CSMD1: variants seen among roughly 807,000 people sequenced by gnomAD.
The protein encoded by CSMD1 is CUB and Sushi multiple domains 1.
A neutral mutation model predicts 417.5 loss-of-function variants in CSMD1; 213 were observed. That is an observed-to-expected ratio of 0.51 (90% CI 0.46 to 0.57). The LOEUF is 0.57. Ranked by LOEUF, CSMD1 falls within the 20% of genes least tolerant of loss-of-function variation. The pLI is 0.00. For synonymous variants in CSMD1, 2,862 were observed against 1,736.8 expected (o/e 1.65, Z -16.11); for missense variants, 6,923 against 4,529.7 (o/e 1.53, Z -15.17).
At position 3,431,177 on chromosome 8, in the gene CSMD1, G is replaced by T. The variant is rs1814196609; in HGVS notation, c.1562-21572C>A. ...CTCTATGGACTCTCTATGGAAGAGG[G>T]ATGATGGAGATTAGGATTTCCCAGT... is the stretch of plus-strand genomic sequence containing the variant. On this transcript the variant is annotated intron_variant, in intron 12 of 69. Transcript: ENST00000635120. 3.3e-5 allele frequency among the ~76,000 whole-genome samples: 5 copies of T among 152,246 alleles called. No individual in the cohort carries two copies. The South Asian group carries it at 1.0e-3, about 32-fold the overall frequency.
chr8:4,462,848 T>C (rs1349983193), intron 2 of CSMD1, among the ~76,000 whole-genome samples: 1 of 152,070 alleles, frequency 6.6e-6, no homozygotes, highest in Non-Finnish European at 1.5e-5. Flanking sequence ...ATGTAAGAAG[T>C]GCAGCTCAAA....
rs1363973200 is a variant in CSMD1 at position 3,977,426 on chromosome 8, T to A, written c.818+20477A>T. The stretch of plus-strand genomic sequence containing the variant: ...GTTTTGTTTTTGTTGTTGTTCCTGT[T>A]TTTTCCATGTTCTCTGAGTTGTTTT... On this transcript the variant is annotated intron_variant, in intron 5 of 69. Coordinates refer to ENST00000635120, the MANE Select transcript of CSMD1 (RefSeq NM_033225.6). Among the ~76,000 whole-genome samples, 6 of 152,308 alleles carry A rather than the reference T, an allele frequency of 3.9e-5. No individual in the cohort carries two copies. In the South Asian group the frequency reaches 6.2e-4, roughly 16 times the overall value.
chr8:3,946,465 A>C (rs1260216575), intron 5 of CSMD1, among the ~76,000 whole-genome samples: 1 of 152,146 alleles, frequency 6.6e-6, no homozygotes, highest in African/African-American at 2.4e-5. Context: ...CGTATTATGT[A>C]AGTCCTCCCA....
intron 10 of CSMD1, among the ~76,000 whole-genome samples, chr8:3,528,449 C>G (rs1046952240): frequency 6.6e-5 from 10 of 152,188 alleles, no homozygotes; most frequent in Admixed American, 6.5e-4. Flanking sequence ...ATGCCTGCTT[C>G]TATGCCTTGC....
intron 1 of CSMD1, among the ~76,000 whole-genome samples, chr8:4,738,903 T>TTGTGTGCGTGTGTGTG (rs1554464181): frequency 1.4e-5 from 2 of 147,396 alleles, no homozygotes; most frequent in Non-Finnish European, 3.0e-5. Flanking sequence ...TTCTGTGTGT[T>TTGTGTGCGTGTGTGTG]TGTGTGTGTG....
intron 5 of CSMD1, among the ~76,000 whole-genome samples, chr8:3,937,757 T>C (rs1295120113): frequency 2.6e-5 from 4 of 152,160 alleles, no homozygotes; most frequent in Non-Finnish European, 1.5e-5. Context: ...CTGATTAAGA[T>C]GTAATATATT....
intron 2 of CSMD1, among the ~76,000 whole-genome samples, chr8:4,429,637 C>T (rs1016168946): frequency 8.5e-5 from 13 of 152,088 alleles, no homozygotes; most frequent in Non-Finnish European, 1.3e-4. Flanking sequence ...GAAACGAATG[C>T]ACAGAGGAGG....
At chr8:4,786,939 T>G (rs1035596712) in intron 1 of CSMD1, among the ~76,000 whole-genome samples, 7 of 152,346 alleles carry the variant, frequency 4.6e-5, no homozygotes, top group South Asian at 4.1e-4. Flanking sequence ...AGGCACTTTT[T>G]AAATCTTAAT....
At chr8:4,987,543 A>G (rs1811243588) in intron 1 of CSMD1, among the ~76,000 whole-genome samples, 1 of 152,188 alleles carries the variant, frequency 6.6e-6, no homozygotes, top group African/African-American at 2.4e-5. Context: ...TTGAGGTTGA[A>G]GCTCCCCAAA....
chr8:2,978,413 G>A (rs1411654581), intron 55 of CSMD1, among the ~76,000 whole-genome samples, 199 bp downstream of exon 55: 4 of 152,118 alleles, frequency 2.6e-5, no homozygotes, highest in Non-Finnish European at 2.9e-5. Flanking sequence ...AGCATCCCCC[G>A]ACCCTTCAAA....
At chr8:3,688,653 G>A (rs1245314237) in intron 7 of CSMD1, among the ~76,000 whole-genome samples, 5 of 152,182 alleles carry the variant, frequency 3.3e-5, no homozygotes, top group Non-Finnish European at 5.9e-5. Flanking sequence ...ATTTTTCAGT[G>A]AAATGAAATT....
At chr8:3,290,532 G>A (rs1803472111) in intron 25 of CSMD1, among the ~76,000 whole-genome samples, 1 of 145,190 alleles carries the variant, frequency 6.9e-6, no homozygotes, top group South Asian at 2.1e-4. Flanking sequence ...CCTTGAAGAG[G>A]TCCTTCACAT....
At chr8:3,424,906 C>T (rs2116993261) in intron 12 of CSMD1, among the ~76,000 whole-genome samples, 1 of 152,342 alleles carries the variant, frequency 6.6e-6, no homozygotes, top group African/African-American at 2.4e-5. Context: ...TCATGGCTGA[C>T]TCACTATGAT....
At chr8:4,797,715 C>T (rs1798057679) in intron 1 of CSMD1, among the ~76,000 whole-genome samples, 1 of 152,148 alleles carries the variant, frequency 6.6e-6, no homozygotes, top group South Asian at 2.1e-4. Flanking sequence ...AAAGATACCT[C>T]CTTAACTGGG....
chr8:4,525,642 C>G lies in CSMD1; in HGVS notation c.303-105577G>C, dbSNP rs60271377. ...AAAGTAATAGCGGTTTTTGTCATTACTTTTAAATGCCACAACCACAATTAC... is the reference window on the plus strand; with the variant it reads ...AAAGTAATAGCGGTTTTTGTCATTAGTTTTAAATGCCACAACCACAATTAC... On this transcript the variant is annotated intron_variant, in intron 2 of 69. Transcript: ENST00000635120. Among the ~76,000 whole-genome samples, 1,053 of 152,136 alleles carry G rather than the reference C, an allele frequency of 6.9e-3. 16 individuals are homozygous for G. The highest frequency in any genetic ancestry group is 0.024 in the African/African-American group (1,007 of 41,522).
chr8:3,958,395 G>C (rs1812113332), intron 5 of CSMD1, among the ~76,000 whole-genome samples: 1 of 151,034 alleles, frequency 6.6e-6, no homozygotes, highest in African/African-American at 2.4e-5. Context: ...AAACCAAAAA[G>C]GAGGCAGAAA....
chr8:4,200,225 C>G (rs919942309), intron 3 of CSMD1, among the ~76,000 whole-genome samples: 5 of 152,130 alleles, frequency 3.3e-5, no homozygotes, highest in Non-Finnish European at 2.9e-5. Flanking sequence ...TTCTGGCCAG[C>G]ATTTCAAAAC....
chr8:4,470,384 T>C, intron 2 of CSMD1, among the ~76,000 whole-genome samples: 1 of 152,178 alleles, frequency 6.6e-6, no homozygotes, highest in Non-Finnish European at 1.5e-5. Context: ...TTCCCTCTTA[T>C]TTTTATCTGT....
intron 2 of CSMD1, among the ~76,000 whole-genome samples, chr8:4,491,631 A>G (rs1258794376): frequency 6.6e-6 from 1 of 152,216 alleles, no homozygotes; most frequent in Non-Finnish European, 1.5e-5. Flanking sequence ...AAATAAGCAT[A>G]TGAAAAGATG....
Sources: gnomAD v4.1 joint callset for allele counts (sites outside exome capture counted in the v4.1 genomes callset) on GRCh38, gnomAD v4.1.1 for gene constraint, MANE v1.5 for transcripts, NCBI Gene and HGNC (gene_info 2026-07-23, HGNC 2026-07-21) for gene names.